The following USP8 variants were observed in gnomAD, a reference collection of about 807,000 sequenced individuals.
USP8 encodes ubiquitin specific peptidase 8, also known as ubiquitin carboxyl-terminal hydrolase 8.
Under a neutral mutation model 130.0 loss-of-function variants are expected in USP8, and 27 were observed. The observed-to-expected ratio is 0.21, with a 90% CI of 0.15 to 0.29. The LOEUF is 0.29. Among genes scored for constraint, USP8 ranks in the 10% least tolerant of loss-of-function variants. USP8 has a pLI of 1.00. For missense variants in USP8, 1,029 were observed against 1,312.2 expected (o/e 0.78, Z 3.33); for synonymous variants, 392 against 444.1 (o/e 0.88, Z 1.48).
At chr15:50,493,803 C>A in intron 15 of USP8, 1 of 591,990 alleles carries the variant, frequency 1.7e-6, no homozygotes, top group Admixed American at 2.3e-5. Flanking sequence ...GAGAGCAGTG[C>A]CAGAAGGCAG....
chr15:50,428,061 A>G (rs2049803536), intron 1 of USP8, among the ~76,000 whole-genome samples: 1 of 151,990 alleles, frequency 6.6e-6, no homozygotes, highest in African/African-American at 2.4e-5. Flanking sequence ...TCTCATGTAT[A>G]GTGAATAAGG....
In USP8 at chr15:50,508,621, G is replaced by C. The variant is rs1387179480; in HGVS notation, c.*9533G>C. 2 of 152,142 alleles carry C rather than the reference G, an allele frequency of 1.3e-5. No homozygotes were observed. Among genetic ancestry groups the C allele is most frequent in the Non-Finnish European group, 2.9e-5 (2 of 68,028 alleles). The allele number at this position is 152,142 out of a possible 1,614,324, so 9.4% of individuals were successfully genotyped here. The stretch of plus-strand genomic sequence containing the variant: ...GTAGAGGGAAGAGATAACACTGTAA[G>C]AGGAATAACCCATAAAGCAGAAAAC... On this transcript the variant is annotated 3_prime_UTR_variant, in exon 20 of 20. Coordinates refer to ENST00000307179, the MANE Select transcript of USP8 (RefSeq NM_005154.5).
At chr15:50,428,764 C>T (rs1465575501) in intron 1 of USP8, among the ~76,000 whole-genome samples, 1 of 152,196 alleles carries the variant, frequency 6.6e-6, no homozygotes, top group Non-Finnish European at 1.5e-5. Flanking sequence ...TTAGCAACCT[C>T]AGCATGAGGT....
intron 3 of USP8, among the ~76,000 whole-genome samples, chr15:50,442,641 A>C (rs1440316905): frequency 6.6e-6 from 1 of 152,092 alleles, no homozygotes; most frequent in Non-Finnish European, 1.5e-5. Flanking sequence ...GCTGCTTGGG[A>C]GGCTGAGACA....
chr15:50,430,330 G>A (rs945707905), intron 1 of USP8, among the ~76,000 whole-genome samples: 1 of 152,134 alleles, frequency 6.6e-6, no homozygotes, highest in Non-Finnish European at 1.5e-5. Flanking sequence ...CTGGACAGCA[G>A]AGTGAGACGT....
chr15:50,493,438 G>A (rs368471373), intron 15 of USP8: 1 of 518,960 alleles, frequency 1.9e-6, no homozygotes, highest in Non-Finnish European at 3.8e-6. Context: ...AATTAGGAAA[G>A]GGGAAAATAT....
In USP8 at chr15:50,450,953, C is replaced by G. The variant is rs368525279; in HGVS notation, c.335+1468C>G. The stretch of plus-strand genomic sequence containing the variant: ...ACAATGGAACTGGTTTTAAGTGATA[C>G]AAGGTGCCAAAGCCTGGTTAGTGAA... On this transcript the variant is annotated intron_variant, in intron 4 of 19. Transcript: ENST00000307179. Among the ~76,000 whole-genome samples, 6 of 152,120 alleles carry G rather than the reference C, an allele frequency of 3.9e-5. No individual in the cohort carries two copies. The East Asian group carries it at 5.8e-4, about 15-fold the overall frequency.
At chr15:50,426,241 A>G (rs1041159575) in intron 1 of USP8, among the ~76,000 whole-genome samples, 1 of 152,240 alleles carries the variant, frequency 6.6e-6, no homozygotes, top group Non-Finnish European at 1.5e-5. Context: ...GCACTATATT[A>G]CGAACTTTTC....
At chr15:50,492,623 T>G in intron 14 of USP8, 78 bp from the exon 15 acceptor site, 1 of 1,436,984 alleles carries the variant, frequency 7.0e-7, no homozygotes, top group East Asian at 2.3e-5. Context: ...TGCTACAGTT[T>G]GCTGCCATTT....
At chr15:50,426,829 A>G (rs927860541) in intron 1 of USP8, 3 of 152,222 alleles carry the variant, frequency 2.0e-5, no homozygotes, top group Non-Finnish European at 2.9e-5. Flanking sequence ...AAAAATGTCA[A>G]AGAATTTGTG....
Position 50,512,358 on chromosome 15 carries a change from G to C in USP8, c.*13270G>C, listed in dbSNP as rs1194066478. 1 of 151,786 alleles carries C rather than the reference G, an allele frequency of 6.6e-6. No individual in the cohort carries two copies. The highest frequency in any genetic ancestry group is 1.5e-5 in the Non-Finnish European group (1 of 68,016). The allele number at this position is 151,786 out of a possible 1,614,324, so 9.4% of individuals were successfully genotyped here. ...AAAAAAATAGCGAGAGATCGAGAGA[G>C]AGTGCACGTGAGAAGACTAGTAGTT... On this transcript the variant is annotated 3_prime_UTR_variant, in exon 20 of 20. Transcript: ENST00000307179.
At chr15:50,493,017 A>C (rs759599643) in intron 15 of USP8, 104 bp downstream of exon 15, 2 of 1,140,906 alleles carry the variant, frequency 1.8e-6, no homozygotes, top group South Asian at 1.3e-5. Flanking sequence ...AAAATACCTA[A>C]GACTAGATAA....
intron 3 of USP8, among the ~76,000 whole-genome samples, chr15:50,445,741 C>T (rs1255910704): frequency 2.0e-5 from 3 of 150,386 alleles, no homozygotes; most frequent in Admixed American, 6.7e-5. Context: ...CCTGTAATCC[C>T]AGCTACTTGG....
At chr15:50,444,139 T>G (rs1310027083) in intron 3 of USP8, among the ~76,000 whole-genome samples, 1 of 149,360 alleles carries the variant, frequency 6.7e-6, no homozygotes, top group Non-Finnish European at 1.5e-5. Flanking sequence ...AGTCTTGTTC[T>G]GTCACCCAGG....
rs1485402491 is a variant in USP8 at position 50,477,338 on chromosome 15, C to A, written c.1057C>A (p.Pro353Thr). 2.5e-6 allele frequency: 4 copies of A among 1,613,928 alleles called. No individual in the cohort carries two copies. In the African/African-American group the frequency reaches 5.3e-5, roughly 22 times the overall value. The change falls in exon 10 of 20, where the codon CCT becomes ACT. Residue 353 changes from proline (P) to threonine (T), a missense_variant. Around this residue, in one of 4 missense-constraint regions of USP8, gnomAD observed 486 missense variants for 522.0 expected, o/e 0.93. Transcript: ENST00000307179. ...TTCTAAACCTGCTGCCCAGACGCCA[C>A]CTGCATCTATAGAAGTAGATGAAAA... ...IPSKPAAQTP[P>T]ASIEVDENIE...
intron 4 of USP8, among the ~76,000 whole-genome samples, chr15:50,450,707 A>G (rs28642809): frequency 0.4 from 60,028 of 151,538 alleles, 12,023 homozygotes; most frequent in Admixed American, 0.5. Flanking sequence ...CTGACCTCCG[A>G]TGATCTGCCT....
intron 18 of USP8, 60 bp downstream of exon 18, chr15:50,497,291 G>A: frequency 6.5e-7 from 1 of 1,541,786 alleles, no homozygotes; most frequent in Non-Finnish European, 8.7e-7. Flanking sequence ...TTTAAGTTCT[G>A]TGTAATTTAT....
intron 3 of USP8, among the ~76,000 whole-genome samples, chr15:50,443,560 T>C (rs2050326908): frequency 6.6e-6 from 1 of 152,074 alleles, no homozygotes; most frequent in Non-Finnish European, 1.5e-5. Context: ...CTCGGCTCAC[T>C]GCAACCTCTG....
chr15:50,475,675 T>C (rs1202749864), intron 8 of USP8, among the ~76,000 whole-genome samples: 2 of 152,186 alleles, frequency 1.3e-5, no homozygotes, highest in African/African-American at 4.8e-5. Flanking sequence ...CTATCTTGGC[T>C]CACTGCAACC....
Sources: gnomAD v4.1 joint callset for allele counts (sites outside exome capture counted in the v4.1 genomes callset) on GRCh38, gnomAD v4.1.1 for gene constraint, gnomAD v4.1.1 regional missense constraint, MANE v1.5 for transcripts, NCBI Gene and HGNC (gene_info 2026-07-23, HGNC 2026-07-21) for gene names.